The following CNTNAP3 variants were observed in gnomAD, a reference collection of about 807,000 sequenced individuals.
CNTNAP3 encodes contactin associated protein family member 3.
CNTNAP3 carries 36 observed loss-of-function variants against 92.1 expected under a neutral mutation model. The observed-to-expected ratio is 0.39, with a 90% CI of 0.30 to 0.52. CNTNAP3 has a LOEUF of 0.52. CNTNAP3 is among the 20% of genes least tolerant of loss of function. The pLI is 0.76. For synonymous variants in CNTNAP3, 232 were observed against 422.3 expected (o/e 0.55, Z 5.53); for missense variants, 534 against 1,069.6 (o/e 0.50, Z 6.98).
chr9:39,138,454 AAAC>A (rs1223866010), intron 12 of CNTNAP3, among the ~76,000 whole-genome samples: 2 of 150,882 alleles, frequency 1.3e-5, no homozygotes, highest in East Asian at 1.9e-4. Context: ...TGAAAACAAA[AAAC>A]AAAACAAAAC....
chr9:39,119,527 C>T (rs1468476133), intron 13 of CNTNAP3, among the ~76,000 whole-genome samples: 2 of 152,058 alleles, frequency 1.3e-5, no homozygotes, highest in African/African-American at 4.8e-5. Context: ...ATTAAACTGT[C>T]GCAGATTAAA....
chr9:39,146,447 T>C (rs1037725503), intron 10 of CNTNAP3, among the ~76,000 whole-genome samples: 1 of 152,108 alleles, frequency 6.6e-6, no homozygotes, highest in Non-Finnish European at 1.5e-5. Context: ...CCCAGCACTT[T>C]GGGAAGCTGA....
rs1049017185 is a variant in CNTNAP3 at position 39,152,661 on chromosome 9, T to C, written c.1478-2684A>G. Among the ~76,000 whole-genome samples the C allele has an allele frequency of 2.1e-5, 3 of 142,982 alleles. 1 individual carries two copies. Among genetic ancestry groups the C allele is most frequent in the Non-Finnish European group, 4.5e-5 (3 of 65,982 alleles). 93.8% of individuals were successfully genotyped at this position (142,982 alleles called of 152,430 possible). A position where few individuals can be genotyped will look rare whatever the true frequency, so the allele number is the denominator to read the frequency against. ...GTTTCCTGACACATAACTTAGGTTA[T>C]CTTTTTTTTTTGAGACCTGAGTCTC... On this transcript the variant is annotated intron_variant, in intron 9 of 23. Transcript: ENST00000297668.
intron 15 of CNTNAP3, among the ~76,000 whole-genome samples, chr9:39,104,985 A>G (rs1826563868): frequency 6.6e-6 from 1 of 152,142 alleles, no homozygotes; most frequent in Non-Finnish European, 1.5e-5. Flanking sequence ...CAGAAACACA[A>G]CTTTACCCAG....
At chr9:39,090,810 A>G (rs1826178866) in intron 18 of CNTNAP3, among the ~76,000 whole-genome samples, 1 of 152,310 alleles carries the variant, frequency 6.6e-6, no homozygotes, top group African/African-American at 2.4e-5. Flanking sequence ...ATTTATATTA[A>G]TTATTCAATC....
intron 14 of CNTNAP3, among the ~76,000 whole-genome samples, chr9:39,114,241 C>T (rs1820794916): frequency 6.6e-6 from 1 of 151,812 alleles, no homozygotes; most frequent in Admixed American, 6.6e-5. Context: ...CACCACCATG[C>T]CTGGCTAATA....
At chr9:39,123,261 A>AT (rs1248201434) in intron 13 of CNTNAP3, among the ~76,000 whole-genome samples, 1 of 151,616 alleles carries the variant, frequency 6.6e-6, no homozygotes, top group East Asian at 1.9e-4. Flanking sequence ...CGCCCGGCTA[A>AT]TTTTTTGTAT....
intron 21 of CNTNAP3, among the ~76,000 whole-genome samples, chr9:39,082,433 T>G (rs920842714): frequency 6.6e-6 from 1 of 151,392 alleles, no homozygotes; most frequent in African/African-American, 2.4e-5. Context: ...AATAAAGGAC[T>G]AATTGATATA....
intron 4 of CNTNAP3, among the ~76,000 whole-genome samples, chr9:39,179,302 C>CAT (rs1563900318): frequency 7.7e-6 from 1 of 130,666 alleles, no homozygotes; most frequent in African/African-American, 3.2e-5. Flanking sequence ...CACACACACA[C>CAT]ACACACACAC....
chr9:39,159,628 G>GGAGA lies in CNTNAP3; in HGVS notation c.1477+6301_1477+6304dup, dbSNP rs779680170. ...ATTACAGGCGTGGGCCACCACGCCT[G>GGAGA]GAGATAGATAGATAGATAGATAGAT... On this transcript the variant is annotated intron_variant, in intron 9 of 23. Transcript: ENST00000297668. 102 of 131,180 alleles carry GGAGA rather than the reference G, an allele frequency of 7.8e-4. 8 individuals are homozygous for GGAGA. The highest frequency in any genetic ancestry group is 3.0e-3 in the African/African-American group (94 of 30,866). The allele number at this position is 131,180 out of a possible 1,614,324, so 8.1% of individuals were successfully genotyped here. A position where few individuals can be genotyped will look rare whatever the true frequency, so the allele number is the denominator to read the frequency against.
intron 14 of CNTNAP3, 192 bp downstream of exon 14, chr9:39,117,911 G>T (rs1191060226): frequency 1.5e-6 from 2 of 1,323,752 alleles, no homozygotes; most frequent in Non-Finnish European, 2.1e-6. Flanking sequence ...TATTCACAAC[G>T]AACTAGTAAA....
At chr9:39,084,198 T>TTTG (rs1378158197) in intron 21 of CNTNAP3, among the ~76,000 whole-genome samples, 227 of 86,530 alleles carry the variant, frequency 2.6e-3, no homozygotes, top group African/African-American at 6.2e-3. Context: ...CACCAAGTTT[T>TTTG]TTTTTTTTTT....
chr9:39,122,260 C>T (rs1181720516), intron 13 of CNTNAP3, among the ~76,000 whole-genome samples: 12 of 152,308 alleles, frequency 7.9e-5, no homozygotes, highest in East Asian at 1.9e-4. Context: ...GAGGCTGAGG[C>T]GGGAGAATGA....
chr9:39,102,739 T>C (rs1186536459), intron 16 of CNTNAP3, 24 bp from the exon 17 acceptor site: 73 of 824,142 alleles, frequency 8.9e-5, no homozygotes, highest in Non-Finnish European at 1.3e-4. Flanking sequence ...ATATGAATAT[T>C]GCTCAAGCAA....
Position 39,144,224 on chromosome 9 carries a change from G to T in CNTNAP3, c.1756+16C>A. The T allele has an allele frequency of 1.9e-6, 3 of 1,584,898 alleles. No homozygotes were observed. The highest frequency in any genetic ancestry group is 2.3e-5 in the South Asian group (2 of 86,872). The stretch of plus-strand genomic sequence containing the variant: ...AAGAGATGCTGACAGAAACGAGAGG[G>T]AGGCGTGAGGCTTACAGGAATGGCA... On this transcript the variant is annotated intron_variant, in intron 11 of 23. Transcript: ENST00000297668.
rs60068368 is a variant in CNTNAP3 at position 39,104,477 on chromosome 9, T to TACACACACACACACAC, written c.2366-579_2366-564dup. Among the ~76,000 whole-genome samples the TACACACACACACACAC allele has an allele frequency of 2.8e-3, 342 of 123,140 alleles. 5 individuals carry two copies. Among genetic ancestry groups the TACACACACACACACAC allele is most frequent in the South Asian group, 4.9e-3 (17 of 3,480 alleles). 80.8% of individuals were successfully genotyped at this position (123,140 alleles called of 152,430 possible). A position where few individuals can be genotyped will look rare whatever the true frequency, so the allele number is the denominator to read the frequency against. On this transcript the variant is annotated intron_variant, in intron 15 of 23. Transcript: ENST00000297668. The stretch of plus-strand genomic sequence containing the variant: ...TTGCTTTCCTTCCTGCACATACACA[T>TACACACACACACACAC]ACACACACACACACACACACACACA...
chr9:39,132,684 C>T (rs1387516916), intron 13 of CNTNAP3, among the ~76,000 whole-genome samples: 1 of 152,132 alleles, frequency 6.6e-6, no homozygotes, highest in East Asian at 1.9e-4. Flanking sequence ...CAAAATTTCC[C>T]TTGATTAAGA....
At chr9:39,101,433 C>A (rs1014654280) in intron 17 of CNTNAP3, among the ~76,000 whole-genome samples, 1 of 148,708 alleles carries the variant, frequency 6.7e-6, no homozygotes, top group Non-Finnish European at 1.5e-5. Flanking sequence ...TGTGTAGCTC[C>A]TAAGTTAGAA....
At chr9:39,103,714 C>A in intron 16 of CNTNAP3, 30 bp downstream of exon 16, 1 of 1,599,172 alleles carries the variant, frequency 6.3e-7, no homozygotes, top group African/African-American at 1.3e-5. Context: ...TAATGGGTAC[C>A]CTGTGACTTG....
Sources: gnomAD v4.1 joint callset for allele counts (sites outside exome capture counted in the v4.1 genomes callset) on GRCh38, gnomAD v4.1.1 for gene constraint, MANE v1.5 for transcripts, NCBI Gene and HGNC (gene_info 2026-07-23, HGNC 2026-07-21) for gene names.